G3BP2: variants seen among roughly 807,000 people sequenced by gnomAD.
The protein encoded by G3BP2 is ras GTPase-activating protein-binding protein 2.
A neutral mutation model predicts 56.7 loss-of-function variants in G3BP2; 11 were observed. That is an observed-to-expected ratio of 0.19 (90% CI 0.12 to 0.32). The LOEUF (loss-of-function observed/expected upper bound fraction) is 0.32, where lower values mean the gene tolerates loss of function less well. G3BP2 is among the 10% of genes least tolerant of loss of function. The pLI, the probability that G3BP2 is intolerant of heterozygous loss-of-function variation, is 1.00. For missense variants in G3BP2, 340 were observed against 610.9 expected, an observed-to-expected ratio of 0.56 and a Z score of 4.67; for synonymous variants, 165 against 191.6, an observed-to-expected ratio of 0.86 and a Z score of 1.15.
At chr4:75,660,642 G>T (rs188851655) in intron 2 of G3BP2, among the ~76,000 whole-genome samples, 5 of 152,250 alleles carry the variant, frequency 3.3e-5, no homozygotes, top group African/African-American at 9.6e-5. Flanking sequence ...CAGATTACAC[G>T]TATGTTCAAC....
chr4:75,666,577 A>C (rs985884309), intron 1 of G3BP2, among the ~76,000 whole-genome samples: 1 of 152,236 alleles, frequency 6.6e-6, no homozygotes, highest in Non-Finnish European at 1.5e-5. Flanking sequence ...TGACTACTAG[A>C]GATCAACCAT....
At chr4:75,705,198 T>A (rs1370084486) in intron 3 of G3BP2, among the ~76,000 whole-genome samples, 1 of 152,098 alleles carries the variant, frequency 6.6e-6, no homozygotes, top group Non-Finnish European at 1.5e-5. Context: ...AGTGGAGGGC[T>A]CAGGTCCATT....
intron 1 of G3BP2, among the ~76,000 whole-genome samples, chr4:75,663,417 A>G (rs1172107803): frequency 6.6e-6 from 1 of 152,090 alleles, no homozygotes; most frequent in East Asian, 1.9e-4. Context: ...ATAAGCATGC[A>G]CCTGGCTAAT....
At chr4:75,683,863 C>T (rs1427894578) in intron 3 of G3BP2, among the ~76,000 whole-genome samples, 1 of 151,974 alleles carries the variant, frequency 6.6e-6, no homozygotes, top group African/African-American at 2.4e-5. Context: ...ATGGTGGTGA[C>T]ATGAAAAGGG....
upstream of G3BP2, among the ~76,000 whole-genome samples, chr4:75,677,848 A>G (rs569615965): frequency 2.0e-5 from 3 of 152,348 alleles, no homozygotes; most frequent in South Asian, 6.2e-4. Flanking sequence ...GTTGAAACTT[A>G]ATCTCCAATG....
intron 3 of G3BP2, among the ~76,000 whole-genome samples, chr4:75,701,516 C>A (rs957543186): frequency 6.6e-6 from 1 of 151,680 alleles, no homozygotes; most frequent in Non-Finnish European, 1.5e-5. Context: ...GCAACCTCCG[C>A]CTCCCAGGTT....
At chr4:75,686,001 C>T (rs1434000097) in intron 3 of G3BP2, among the ~76,000 whole-genome samples, 1 of 151,972 alleles carries the variant, frequency 6.6e-6, no homozygotes, top group Non-Finnish European at 1.5e-5. Flanking sequence ...CACACATGTG[C>T]ACACACACAT....
intron 1 of G3BP2, among the ~76,000 whole-genome samples, chr4:75,671,380 G>A (rs369147375): frequency 3.3e-5 from 5 of 152,202 alleles, no homozygotes; most frequent in African/African-American, 1.2e-4. Context: ...GATAAGGAGG[G>A]AAGTTTTCAG....
upstream of G3BP2, among the ~76,000 whole-genome samples, chr4:75,674,714 ATATATTTTTTTTTTT>A (rs768439959): frequency 3.8e-4 from 21 of 54,806 alleles, no homozygotes; most frequent in East Asian, 0.01. Flanking sequence ...ATATATATAT[ATATATTTTTTTTTTT>A]TTTTTTTTTT....
At chr4:75,673,638 A>G (rs1733705465), upstream of G3BP2, 1 of 1,230,226 alleles carries the variant, frequency 8.1e-7, no homozygotes, top group Non-Finnish European at 1.0e-6. Context: ...GAGTCCGCTG[A>G]TTTGACGTCA....
chr4:75,644,432 G>A lies in G3BP2; in HGVS notation c.*998C>T, dbSNP rs181309879. The A allele has an allele frequency of 2.4e-3, 363 of 152,682 alleles. 1 individual carries two copies. Among genetic ancestry groups the A allele is most frequent in the Middle Eastern group, 3.4e-3 (1 of 294 alleles). 9.5% of individuals were successfully genotyped at this position (152,682 alleles called of 1,614,324 possible). ...TACTGCAATTTTTATACATTTCGAT[G>A]ATTTTTCAACATTTTGCAGCTGTTT... On this transcript the variant is annotated 3_prime_UTR_variant, in exon 12 of 12. Transcript: ENST00000359707.
chr4:75,721,061 C>G (rs1017237923), intron 2 of G3BP2, among the ~76,000 whole-genome samples: 1 of 151,222 alleles, frequency 6.6e-6, no homozygotes, highest in East Asian at 1.9e-4. Flanking sequence ...AGGAAGAGCT[C>G]TTGAACCCAG....
chr4:75,674,718 A>ATATATATATATTTTTT (rs1241041465), upstream of G3BP2, among the ~76,000 whole-genome samples: 3 of 71,432 alleles, frequency 4.2e-5, no homozygotes, highest in African/African-American at 1.8e-4. Flanking sequence ...ATATATATAT[A>ATATATATATATTTTTT]TTTTTTTTTT....
intron 8 of G3BP2, among the ~76,000 whole-genome samples, chr4:75,651,801 G>T (rs754074976): frequency 5.9e-5 from 9 of 152,142 alleles, no homozygotes; most frequent in Non-Finnish European, 1.3e-4. Context: ...GTCAATAAAA[G>T]CAGGTATAAC....
At chr4:75,685,238 C>T (rs551220088) in intron 3 of G3BP2, among the ~76,000 whole-genome samples, 3 of 151,374 alleles carry the variant, frequency 2.0e-5, no homozygotes, top group South Asian at 2.1e-4. Context: ...TGGTGGCTCA[C>T]GCCTGTAATC....
At chr4:75,676,202 A>T (rs535223811), upstream of G3BP2, among the ~76,000 whole-genome samples, 151 of 152,248 alleles carry the variant, frequency 9.9e-4, 1 homozygote, top group African/African-American at 3.6e-3. Flanking sequence ...CTGCCTCTCA[A>T]ACATAGCCTC....
intron 1 of G3BP2, chr4:75,672,900 C>T (rs534844443): frequency 3.2e-5 from 19 of 597,148 alleles, no homozygotes; most frequent in South Asian, 7.3e-5. Context: ...TGCGTGCCTC[C>T]CCCCCCACTT....
intron 3 of G3BP2, among the ~76,000 whole-genome samples, chr4:75,704,494 T>C: frequency 7.4e-6 from 1 of 135,306 alleles, no homozygotes; most frequent in Non-Finnish European, 1.6e-5. Context: ...ATTTTTAAAA[T>C]TTTTTATAGA....
chr4:75,664,993 C>G (rs1732888389), intron 1 of G3BP2, among the ~76,000 whole-genome samples: 1 of 151,912 alleles, frequency 6.6e-6, no homozygotes, highest in South Asian at 2.1e-4. Flanking sequence ...CATCTCTATA[C>G]AAAAAATTAA....
Sources: gnomAD v4.1 joint callset for allele counts (sites outside exome capture counted in the v4.1 genomes callset) on GRCh38, gnomAD v4.1.1 for gene constraint, MANE v1.5 for transcripts, NCBI Gene and HGNC (gene_info 2026-07-23, HGNC 2026-07-21) for gene names.